The following ANKS3 variants were observed in gnomAD, a reference collection of about 807,000 sequenced individuals.
ANKS3 encodes the protein ankyrin repeat and sterile alpha motif domain containing 3.
ANKS3 carries 62 observed loss-of-function variants against 80.7 expected under a neutral mutation model. The ratio of observed to expected loss-of-function variants is 0.77; its 90% CI spans 0.63 to 0.95. The LOEUF (loss-of-function observed/expected upper bound fraction) is 0.95, where lower values mean the gene tolerates loss of function less well. ANKS3 is among the 40% of genes least tolerant of loss of function. The pLI is 0.00. For synonymous variants in ANKS3, 489 were observed against 355.3 expected (o/e 1.38, Z -4.23); for missense variants, 1,150 against 883.6 (o/e 1.30, Z -3.82).
At chr16:4,730,603 A>T (rs771730700) in intron 2 of ANKS3, among the ~76,000 whole-genome samples, 3 of 152,162 alleles carry the variant, frequency 2.0e-5, no homozygotes, top group African/African-American at 2.4e-5. Flanking sequence ...GCGGTGGCTC[A>T]CACCTGTAAT....
chr16:4,716,706 T>C (rs2080818563), intron 6 of ANKS3, among the ~76,000 whole-genome samples: 1 of 151,778 alleles, frequency 6.6e-6, no homozygotes, highest in Non-Finnish European at 1.5e-5. Context: ...TCATAGGTCA[T>C]GAGTTCGAGA....
rs754655112 is a variant in ANKS3, at chr16:4,702,221, T to A, written c.890A>T (p.Tyr297Phe). The change falls in exon 9 of 18, where the codon TAT becomes TTT. Residue 297 changes from tyrosine (Y) to phenylalanine (F), a missense_variant. Physicochemically the swap from Tyr to Phe is conservative, Grantham distance 22 (BLOSUM62 3). Coordinates refer to ENST00000304283, the MANE Select transcript of ANKS3 (RefSeq NM_133450.4). ...PRYEQAPPRG[Y>F]VTFNSSGENP... ...CTCGCCACTGCTGTTGAAGGTGACA[T>A]AGCCACGGGGAGGAGCCTGCTCTGT... 3 of 1,584,356 alleles carry A rather than the reference T, an allele frequency of 1.9e-6. No homozygotes were observed. The highest frequency in any genetic ancestry group is 1.1e-5 in the South Asian group (1 of 88,096).
intron 7 of ANKS3, among the ~76,000 whole-genome samples, chr16:4,709,013 C>A (rs1287389269): frequency 6.6e-6 from 1 of 151,748 alleles, no homozygotes; most frequent in Non-Finnish European, 1.5e-5. Flanking sequence ...TGCCTATAAT[C>A]TCAGCACTGT....
chr16:4,701,725 G>GT, intron 9 of ANKS3, 182 bp from the exon 10 acceptor site: 1 of 547,726 alleles, frequency 1.8e-6, no homozygotes, highest in Non-Finnish European at 3.2e-6. Flanking sequence ...CAGGGCTTCT[G>GT]TCTTTTTTGT....
chr16:4,715,945 A>G (rs2080771166), intron 6 of ANKS3, among the ~76,000 whole-genome samples: 1 of 152,138 alleles, frequency 6.6e-6, no homozygotes, highest in Admixed American at 6.6e-5. Context: ...AACTTAAAAT[A>G]AGAGATTAAT....
rs184907576 is a variant in ANKS3 at position 4,703,752 on chromosome 16, T to C, written c.868+1343A>G. On this transcript the variant is annotated intron_variant, in intron 8 of 17. Transcript: ENST00000304283. ...CTGGCAAATAAAATATATGCACTTA[T>C]AGAAAATTTAAATTTCACAAGGTAT... Among the ~76,000 whole-genome samples the C allele has an allele frequency of 3.2e-4, 49 of 152,312 alleles. No homozygotes were observed. The East Asian group carries it at 9.3e-3, about 29-fold the overall frequency.
chr16:4,721,471 C>T lies in ANKS3; in HGVS notation c.573+3279G>A, dbSNP rs577844709. Among the ~76,000 whole-genome samples, 56 of 150,854 alleles carry T rather than the reference C, an allele frequency of 3.7e-4. 4 individuals carry two copies. Among genetic ancestry groups the T allele is most frequent in the Non-Finnish European group, 7.1e-4 (48 of 67,534 alleles). On this transcript the variant is annotated intron_variant, in intron 6 of 17. Coordinates refer to ENST00000304283, the MANE Select transcript of ANKS3 (RefSeq NM_133450.4). Reference sequence around the variant, plus strand: ...AAAAAAAATACAAAAATTGGCTGGGCGTGGTGGCACGCACCTGTAATCCCA... The same window carrying T: ...AAAAAAAATACAAAAATTGGCTGGGTGTGGTGGCACGCACCTGTAATCCCA...
chr16:4,732,050 G>A (rs1196298901), intron 1 of ANKS3, among the ~76,000 whole-genome samples: 1 of 152,160 alleles, frequency 6.6e-6, no homozygotes, highest in African/African-American at 2.4e-5. Flanking sequence ...CAAGCCCCAG[G>A]TGACAGCCAA....
chr16:4,701,059 G>T lies in ANKS3; in HGVS notation c.1195C>A (p.Gln399Lys). ...SYMKTKNPDS[Q>K]WPPRAATDRE... ...TCAGTTGCAGCGCGGGGAGGCCACT[G>T]GCTGTCAGGATTCTTGGTCTTCATG... The change falls in exon 11 of 18, where the codon CAG (glutamine) becomes AAG (lysine). Residue 399 changes from glutamine to lysine, a missense_variant. Coordinates refer to ENST00000304283, the MANE Select transcript of ANKS3 (RefSeq NM_133450.4). 3.1e-6 allele frequency: 5 copies of T among 1,614,104 alleles called. No individual in the cohort carries two copies. Among genetic ancestry groups the T allele is most frequent in the Non-Finnish European group, 4.2e-6 (5 of 1,180,036 alleles).
At chr16:4,713,980 T>C in intron 7 of ANKS3, 71 bp downstream of exon 7, 1 of 1,571,344 alleles carries the variant, frequency 6.4e-7, no homozygotes, top group Non-Finnish European at 8.6e-7. Context: ...GGGACATCTT[T>C]CTCTGCCAGG....
At chr16:4,724,975 G>A (rs942762130) in intron 5 of ANKS3, 144 bp from the exon 6 acceptor site, 2 of 640,110 alleles carry the variant, frequency 3.1e-6, no homozygotes, top group East Asian at 5.7e-5. Flanking sequence ...ATTAACAGGT[G>A]ACATGAGAAC....
chr16:4,701,796 A>G (rs1274873017), intron 9 of ANKS3: 1 of 503,500 alleles, frequency 2.0e-6, no homozygotes, highest in Non-Finnish European at 3.5e-6. Context: ...CTATGGAAAC[A>G]GCTGCTGCAC....
chr16:4,701,995 C>T, intron 9 of ANKS3, 107 bp downstream of exon 9: 1 of 1,360,056 alleles, frequency 7.4e-7, no homozygotes, highest in Non-Finnish European at 9.8e-7. Context: ...CTGTCCTCTG[C>T]TGGATGGCTG....
chr16:4,713,960 G>C, intron 7 of ANKS3, 91 bp downstream of exon 7: 1 of 1,518,612 alleles, frequency 6.6e-7, no homozygotes, highest in Non-Finnish European at 8.9e-7. Context: ...GGTGGGAGCC[G>C]GGGAAGCGGG....
chr16:4,710,312 A>T (rs910280370), intron 7 of ANKS3, among the ~76,000 whole-genome samples: 2 of 152,246 alleles, frequency 1.3e-5, no homozygotes, highest in Non-Finnish European at 2.9e-5. Flanking sequence ...TGGATAAGCT[A>T]ATCACCTTAA....
At chr16:4,731,615 T>TA in intron 1 of ANKS3, 36 bp from the exon 2 acceptor site, 2 of 914,078 alleles carry the variant, frequency 2.2e-6, no homozygotes, top group Non-Finnish European at 2.6e-6. Flanking sequence ...TTTTCTGGAA[T>TA]GGTTATGAAA....
rs2081398644 is a variant in ANKS3 at position 4,727,192 on chromosome 16, G to C, written c.171-15C>G. 1.9e-6 allele frequency: 3 copies of C among 1,613,070 alleles called. No homozygotes were observed. The highest frequency in any genetic ancestry group is 1.3e-5 in the African/African-American group (1 of 74,918). On this transcript the variant is annotated splice_polypyrimidine_tract_variant and intron_variant, in intron 3 of 17. Transcript: ENST00000304283. ...CTAACTCTCTCCTAAACAAACGCAAGATATGCTAGACATGGCCAGCCGCCT... is the reference window on the plus strand; with the variant it reads ...CTAACTCTCTCCTAAACAAACGCAACATATGCTAGACATGGCCAGCCGCCT...
chr16:4,720,991 C>T (rs1316243180), intron 6 of ANKS3, among the ~76,000 whole-genome samples: 1 of 143,874 alleles, frequency 7.0e-6, no homozygotes, highest in African/African-American at 2.6e-5. Context: ...CAGGGAATAC[C>T]ATGCCACCAT....
intron 15 of ANKS3, 46 bp from the exon 16 acceptor site, chr16:4,697,462 C>T: frequency 1.4e-6 from 2 of 1,447,960 alleles, no homozygotes; most frequent in East Asian, 2.3e-5. Flanking sequence ...GTCTGCGTCC[C>T]CACAGGCCCT....
Sources: gnomAD v4.1 joint callset for allele counts (sites outside exome capture counted in the v4.1 genomes callset) on GRCh38, gnomAD v4.1.1 for gene constraint, MANE v1.5 for transcripts, NCBI Gene and HGNC (gene_info 2026-07-23, HGNC 2026-07-21) for gene names.